The following GDAP1 variants were observed in gnomAD, a reference collection of about 807,000 sequenced individuals.
GDAP1 encodes ganglioside induced differentiation associated protein 1.
A neutral mutation model predicts 40.1 loss-of-function variants in GDAP1; 34 were observed. The ratio of observed to expected loss-of-function variants is 0.85; its 90% CI spans 0.64 to 1.13. GDAP1 has a LOEUF of 1.13. GDAP1 is among the 50% of genes most tolerant of loss of function. GDAP1 has a pLI of 0.00. For synonymous variants in GDAP1, 170 were observed against 157.4 expected, an observed-to-expected ratio of 1.08 and a Z score of -0.60; for missense variants, 374 against 433.7, an observed-to-expected ratio of 0.86 and a Z score of 1.22.
chr8:74,459,955 T>G (rs1482392643), intron 2 of GDAP1, among the ~76,000 whole-genome samples: 1 of 152,238 alleles, frequency 6.6e-6, no homozygotes, highest in Admixed American at 6.5e-5. Flanking sequence ...ATGCAATATG[T>G]GCAGGAGCTT....
Position 74,431,572 on chromosome 8 carries a change from C to T in GDAP1, c.166-57106C>T. ...TCTCCGCTCACTGCAAGCTCCGCCT[C>T]CCGGGTTCACGCCATTCTCCTGCCT... On this transcript the variant is annotated intron_variant, in intron 2 of 2. Coordinates refer to the GDAP1 transcript ENST00000523640. Among the ~76,000 whole-genome samples, 2 of 152,134 alleles carry T rather than the reference C, an allele frequency of 1.3e-5. 1 individual carries two copies. Among genetic ancestry groups the T allele is most frequent in the East Asian group, 3.9e-4 (2 of 5,182 alleles).
At chr8:74,368,271 T>A (rs1409301814), downstream of GDAP1, among the ~76,000 whole-genome samples, 1 of 152,172 alleles carries the variant, frequency 6.6e-6, no homozygotes, top group Non-Finnish European at 1.5e-5. Context: ...CCAGCATGTA[T>A]AAGTACAGCT....
intron 2 of GDAP1, among the ~76,000 whole-genome samples, chr8:74,405,966 G>C (rs1300162459): frequency 6.7e-6 from 1 of 150,068 alleles, no homozygotes; most frequent in Non-Finnish European, 1.5e-5. Context: ...TCTGAATTGT[G>C]AAAGTTTCCA....
At chr8:74,392,660 C>T (rs952506251) in intron 2 of GDAP1, among the ~76,000 whole-genome samples, 3 of 152,230 alleles carry the variant, frequency 2.0e-5, no homozygotes, top group Non-Finnish European at 4.4e-5. Context: ...CCATGAACTA[C>T]ATTTTCCAGC....
At chr8:74,476,751 T>C (rs1322920351) in intron 2 of GDAP1, among the ~76,000 whole-genome samples, 4 of 152,186 alleles carry the variant, frequency 2.6e-5, no homozygotes, top group Admixed American at 6.5e-5. Flanking sequence ...AGTCTGATGA[T>C]TATATGTCTT....
At chr8:74,398,973 G>T (rs1402743150) in intron 2 of GDAP1, among the ~76,000 whole-genome samples, 2 of 151,980 alleles carry the variant, frequency 1.3e-5, no homozygotes, top group Non-Finnish European at 1.5e-5. Context: ...GAGGATTTTT[G>T]CATCAATGTT....
chr8:74,396,559 T>G (rs1251711703), intron 2 of GDAP1, among the ~76,000 whole-genome samples: 4 of 150,018 alleles, frequency 2.7e-5, no homozygotes, highest in African/African-American at 9.8e-5. Context: ...CCTGTGTCCA[T>G]GTGTTCTCAT....
At chr8:74,390,150 TG>T (rs1810085935) in intron 2 of GDAP1, among the ~76,000 whole-genome samples, 1 of 152,206 alleles carries the variant, frequency 6.6e-6, no homozygotes, top group Non-Finnish European at 1.5e-5. Context: ...CAGAGGAGTT[TG>T]TTATTACCTA....
intron 2 of GDAP1, among the ~76,000 whole-genome samples, chr8:74,463,067 T>C (rs1806420270): frequency 1.0e-5 from 1 of 97,196 alleles, no homozygotes; most frequent in Non-Finnish European, 2.0e-5. Flanking sequence ...ATTAAGGCAA[T>C]AAGTTACGGC....
At chr8:74,351,810 A>T (rs965262075) in intron 2 of GDAP1, among the ~76,000 whole-genome samples, 6 of 152,212 alleles carry the variant, frequency 3.9e-5, no homozygotes, top group African/African-American at 7.2e-5. Context: ...TGACGATTTC[A>T]TCTAATATAC....
chr8:74,364,519 G>A lies in GDAP1; in HGVS notation c.*152G>A, dbSNP rs539004055. ...TTTGTTACACAACACAGGGGTTCAG[G>A]TAGCAATAGGACACAAAATTGCTTT... On this transcript the variant is annotated 3_prime_UTR_variant, in exon 6 of 6. Coordinates refer to ENST00000220822, the MANE Select transcript of GDAP1 (RefSeq NM_018972.4). The A allele has an allele frequency of 9.8e-5, 78 of 799,972 alleles. No individual in the cohort carries two copies. The highest frequency in any genetic ancestry group is 6.8e-4 in the Middle Eastern group (2 of 2,952). The allele number at this position is 799,972 out of a possible 1,614,324, so 49.6% of individuals were successfully genotyped here.
chr8:74,391,909 C>T (rs1482283275), intron 2 of GDAP1, among the ~76,000 whole-genome samples: 1 of 152,116 alleles, frequency 6.6e-6, no homozygotes, highest in Non-Finnish European at 1.5e-5. Context: ...ACCTCTGCCT[C>T]CCGGGTTCAA....
intron 2 of GDAP1, among the ~76,000 whole-genome samples, chr8:74,443,502 G>A (rs1806187325): frequency 6.6e-6 from 1 of 152,160 alleles, no homozygotes; most frequent in Non-Finnish European, 1.5e-5. Flanking sequence ...CATAAGCCCA[G>A]GCGTGGTGGA....
At chr8:74,475,195 GTCTA>G (rs1450638420) in intron 2 of GDAP1, among the ~76,000 whole-genome samples, 1 of 151,750 alleles carries the variant, frequency 6.6e-6, no homozygotes, top group Non-Finnish European at 1.5e-5. Flanking sequence ...ATAGCTAGCA[GTCTA>G]TCTATCTTAT....
chr8:74,465,032 C>T (rs764114955), intron 2 of GDAP1, among the ~76,000 whole-genome samples: 9 of 152,072 alleles, frequency 5.9e-5, no homozygotes, highest in Middle Eastern at 3.4e-3. Flanking sequence ...CCAGCCTGGG[C>T]AACATGGTGA....
At chr8:74,354,691 C>G (rs541678010) in intron 2 of GDAP1, among the ~76,000 whole-genome samples, 1 of 152,276 alleles carries the variant, frequency 6.6e-6, no homozygotes, top group South Asian at 2.1e-4. Flanking sequence ...AATGTTAAAA[C>G]AAATGGCTAG....
chr8:74,350,410 G>C lies in GDAP1; in HGVS notation c.-52G>C, dbSNP rs1287824742. On this transcript the variant is annotated 5_prime_UTR_variant, in exon 1 of 6. Coordinates refer to ENST00000220822, the MANE Select transcript of GDAP1 (RefSeq NM_018972.4). ...AACGCCTTGCGGGGCAGTGTGGGAG[G>C]GAGAAGTCCAGGGCGGACAGGCTGG... 1 of 1,135,924 alleles carries C rather than the reference G, an allele frequency of 8.8e-7. No individual in the cohort carries two copies. Among genetic ancestry groups the C allele is most frequent in the East Asian group, 2.3e-5 (1 of 42,828 alleles). 70.4% of individuals were successfully genotyped at this position (1,135,924 alleles called of 1,614,324 possible). A position where few individuals can be genotyped will look rare whatever the true frequency, so the allele number is the denominator to read the frequency against.
At chr8:74,439,173 A>G (rs984771339) in intron 2 of GDAP1, among the ~76,000 whole-genome samples, 1 of 152,010 alleles carries the variant, frequency 6.6e-6, no homozygotes, top group Admixed American at 6.6e-5. Flanking sequence ...AAAATGTTTA[A>G]CATTTTATTT....
rs67444628 is a variant in GDAP1 at position 74,422,493 on chromosome 8, CTCCTTCCT to C, written c.166-66150_166-66143del. 8.4e-4 allele frequency among the ~76,000 whole-genome samples: 88 copies of C among 104,826 alleles called. 3 individuals are homozygous for C. Among genetic ancestry groups the C allele is most frequent in the African/African-American group, 3.4e-3 (72 of 21,192 alleles). 68.8% of individuals were successfully genotyped at this position (104,826 alleles called of 152,430 possible). On this transcript the variant is annotated intron_variant, in intron 2 of 2. Transcript: ENST00000523640. ...TCCTTCCTCCCTCCCTCCCTCCTTT[CTCCTTCCT>C]TCCTTCCTTCCTTCCTTCCTTCCTT...
Sources: gnomAD v4.1 joint callset for allele counts (sites outside exome capture counted in the v4.1 genomes callset) on GRCh38, gnomAD v4.1.1 for gene constraint, MANE v1.5 for transcripts, NCBI Gene and HGNC (gene_info 2026-07-23, HGNC 2026-07-21) for gene names.